The following TYW1 variants were observed in gnomAD, a reference collection of about 807,000 sequenced individuals.
TYW1 encodes S-adenosyl-L-methionine-dependent tRNA 4-demethylwyosine synthase TYW1.
In TYW1, 46 loss-of-function variants were observed where a neutral mutation model predicts 96.2. That is an observed-to-expected ratio of 0.48 (90% CI 0.38 to 0.61). The LOEUF (loss-of-function observed/expected upper bound fraction) is 0.61. Ranked by LOEUF, TYW1 falls within the 20% of genes least tolerant of loss-of-function variation. The probability of loss-of-function intolerance (pLI) is 0.00; values close to 1 mark genes in which losing one functional copy is unlikely to be tolerated. For synonymous variants in TYW1, 274 were observed against 323.0 expected (o/e 0.85, Z 1.63); for missense variants, 684 against 909.6 (o/e 0.75, Z 3.19).
At chr7:67,088,580 A>G (rs546258135) in intron 11 of TYW1, among the ~76,000 whole-genome samples, 62 of 152,014 alleles carry the variant, frequency 4.1e-4, no homozygotes, top group African/African-American at 1.5e-3. Flanking sequence ...AAAGACCGTA[A>G]AGGGATAGGG....
At chr7:67,020,013 GTC>G (rs1794189865) in intron 6 of TYW1, among the ~76,000 whole-genome samples, 1 of 152,246 alleles carries the variant, frequency 6.6e-6, no homozygotes, top group African/African-American at 2.4e-5. Flanking sequence ...TTTCATTTCA[GTC>G]CAAGCTATGA....
intron 13 of TYW1, among the ~76,000 whole-genome samples, chr7:67,149,160 AT>A (rs1179964720): frequency 6.6e-5 from 10 of 152,334 alleles, no homozygotes; most frequent in African/African-American, 2.4e-4. Flanking sequence ...CATTTTGGAG[AT>A]TAGAGCTGAA....
intron 9 of TYW1, among the ~76,000 whole-genome samples, chr7:67,063,734 G>T (rs1160355351): frequency 6.6e-6 from 1 of 151,990 alleles, no homozygotes; most frequent in Non-Finnish European, 1.5e-5. Context: ...CTCCCTAGTA[G>T]CTGGGACTAC....
Position 67,195,293 on chromosome 7 carries a change from T to C in TYW1, c.1933T>C (p.Cys645Arg), listed in dbSNP as rs764651994. 1.9e-6 allele frequency: 3 copies of C among 1,612,890 alleles called. No individual in the cohort carries two copies. The East Asian group carries it at 6.7e-5, about 36-fold the overall frequency. ...VDLIPEYEIA[C>R]EHEHSNCLLI... ...TCTGATCCCCGAATATGAAATTGCA[T>C]GTGAACACGAACACTCTAATTGCCT... is the stretch of plus-strand genomic sequence containing the variant. The change falls in exon 15 of 16, where the codon TGT becomes CGT. Residue 645 changes from cysteine (C) to arginine (R), a missense_variant. Physicochemically the swap from Cys to Arg is radical, Grantham distance 180 (BLOSUM62 -3). Transcript: ENST00000359626.
intron 12 of TYW1, among the ~76,000 whole-genome samples, chr7:67,112,100 CAAA>C (rs538839042): frequency 0.024 from 2,291 of 94,444 alleles, 23 homozygotes; most frequent in African/African-American, 0.082. Context: ...CTCTGTCTGA[CAAA>C]AAAAAAAAAA....
intron 12 of TYW1, among the ~76,000 whole-genome samples, chr7:67,109,762 C>T (rs1293774254): frequency 6.6e-6 from 1 of 152,158 alleles, no homozygotes; most frequent in African/African-American, 2.4e-5. Flanking sequence ...CACCTGTAAT[C>T]CCAGCTACTC....
intron 9 of TYW1, 200 bp from the exon 10 acceptor site, chr7:67,067,085 A>G: frequency 1.7e-6 from 1 of 594,698 alleles, no homozygotes; most frequent in South Asian, 2.0e-5. Context: ...TCATAGGTTT[A>G]TTTCACTGGG....
chr7:67,169,215 A>G (rs1799445815), intron 13 of TYW1, among the ~76,000 whole-genome samples: 1 of 152,076 alleles, frequency 6.6e-6, no homozygotes, highest in Non-Finnish European at 1.5e-5. Context: ...CCATTTTAAA[A>G]TTAAGAAATA....
rs1012599930 is a variant in TYW1, at chr7:67,170,187, A to T, written c.1699-12939A>T. ...CTCAGTACCATGTGTTGAAAAGACT[A>T]TTTTTTCCCCATTGCATTGTCTTTG... On this transcript the variant is annotated intron_variant, in intron 13 of 15. Transcript: ENST00000359626. Among the ~76,000 whole-genome samples the T allele has an allele frequency of 3.9e-5, 6 of 152,008 alleles. 1 individual carries two copies. Among genetic ancestry groups the T allele is most frequent in the African/African-American group, 1.2e-4 (5 of 41,370 alleles).
chr7:67,205,115 A>G (rs779340909), intron 15 of TYW1, among the ~76,000 whole-genome samples: 5 of 151,968 alleles, frequency 3.3e-5, no homozygotes, highest in Non-Finnish European at 5.9e-5. Context: ...CTTATTTATT[A>G]ATAAATCTTC....
chr7:67,136,767 AGTT>A lies in TYW1; in HGVS notation c.1698+19152_1698+19154del, dbSNP rs1798273528. Among the ~76,000 whole-genome samples, 3 of 152,182 alleles carry A rather than the reference AGTT, an allele frequency of 2.0e-5. 1 individual carries two copies. The South Asian group carries it at 6.2e-4, about 32-fold the overall frequency. On this transcript the variant is annotated intron_variant, in intron 13 of 15. Transcript: ENST00000359626. The stretch of plus-strand genomic sequence containing the variant: ...TTGACTGTCAAAACTAATAATGTGT[AGTT>A]GTCCTTTTCCAGTTGACTTAGTGAT...
At chr7:67,160,799 C>T (rs1269652839) in intron 13 of TYW1, among the ~76,000 whole-genome samples, 2 of 151,486 alleles carry the variant, frequency 1.3e-5, no homozygotes, top group African/African-American at 2.4e-5. Context: ...ACCACGTTGG[C>T]CAGGCTGATT....
chr7:67,029,188 C>T (rs865875198), intron 7 of TYW1, among the ~76,000 whole-genome samples: 1 of 151,452 alleles, frequency 6.6e-6, no homozygotes, highest in African/African-American at 2.4e-5. Flanking sequence ...TTAGTAGAGA[C>T]GGGGTTTCAC....
chr7:67,058,330 G>T (rs559736162), intron 9 of TYW1, among the ~76,000 whole-genome samples: 3 of 152,150 alleles, frequency 2.0e-5, no homozygotes, highest in Non-Finnish European at 4.4e-5. Flanking sequence ...TTTTGATACA[G>T]AAGTTATATA....
chr7:67,181,224 G>A (rs981759617), intron 13 of TYW1, among the ~76,000 whole-genome samples: 7 of 151,940 alleles, frequency 4.6e-5, no homozygotes, highest in African/African-American at 7.3e-5. Flanking sequence ...TTGCATTCCC[G>A]GAATTTTTAA....
At chr7:67,034,773 G>A (rs547404953) in intron 7 of TYW1, among the ~76,000 whole-genome samples, 2 of 152,246 alleles carry the variant, frequency 1.3e-5, no homozygotes, top group African/African-American at 2.4e-5. Flanking sequence ...TCTCATTTTT[G>A]TAATGGATAC....
intron 15 of TYW1, among the ~76,000 whole-genome samples, chr7:67,231,234 A>G (rs950582117): frequency 6.6e-6 from 1 of 152,146 alleles, no homozygotes; most frequent in African/African-American, 2.4e-5. Context: ...TGCCATCTCA[A>G]ATATATTGCC....
chr7:67,192,205 G>C (rs1194960403), intron 14 of TYW1, among the ~76,000 whole-genome samples: 1 of 151,980 alleles, frequency 6.6e-6, no homozygotes, highest in Non-Finnish European at 1.5e-5. Flanking sequence ...CTCCTCAAAG[G>C]GTTTTGTCTG....
intron 7 of TYW1, among the ~76,000 whole-genome samples, chr7:67,049,539 A>T (rs549477755): frequency 1.2e-4 from 18 of 151,944 alleles, no homozygotes; most frequent in South Asian, 2.1e-4. Flanking sequence ...ATTTTTTTTT[A>T]AATTATTTAT....
Sources: allele counts gnomAD v4.1 joint callset (sites outside exome capture counted in the v4.1 genomes callset), GRCh38; gene constraint gnomAD v4.1.1; transcripts MANE v1.5; gene names NCBI Gene and HGNC (gene_info 2026-07-23, HGNC 2026-07-21).